The following CTNNA2 variants were observed in gnomAD, a reference collection of about 807,000 sequenced individuals.
The protein encoded by CTNNA2 is catenin alpha 2, also known as catenin alpha-2.
A neutral mutation model predicts 101.0 loss-of-function variants in CTNNA2; 42 were observed. That is an observed-to-expected ratio of 0.42 (90% CI 0.32 to 0.54). CTNNA2 has a LOEUF of 0.54. Ranked by LOEUF, CTNNA2 falls within the 20% of genes least tolerant of loss-of-function variation. The pLI is 0.14. For synonymous variants in CTNNA2, 450 were observed against 456.4 expected, an observed-to-expected ratio of 0.99 and a Z score of 0.18; for missense variants, 871 against 1,223.1, an observed-to-expected ratio of 0.71 and a Z score of 4.29.
chr2:79,985,355 T>C (rs1691685092), intron 7 of CTNNA2, among the ~76,000 whole-genome samples: 1 of 152,180 alleles, frequency 6.6e-6, no homozygotes, highest in South Asian at 2.1e-4. Flanking sequence ...GTAGGTGAAT[T>C]CTGTCACAGC....
chr2:79,269,590 G>A (rs902456267), intron 2 of CTNNA2, among the ~76,000 whole-genome samples: 1 of 152,124 alleles, frequency 6.6e-6, no homozygotes, highest in African/African-American at 2.4e-5. Flanking sequence ...AATCATTGCA[G>A]TTTATCCAGA....
chr2:80,415,639 A>G (rs1203600817), intron 8 of CTNNA2, among the ~76,000 whole-genome samples: 2 of 152,160 alleles, frequency 1.3e-5, no homozygotes, highest in Non-Finnish European at 2.9e-5. Flanking sequence ...ATCATAGAAA[A>G]CAGTATGGAG....
chr2:80,147,589 C>T (rs62140133), intron 7 of CTNNA2, among the ~76,000 whole-genome samples: 1 of 152,128 alleles, frequency 6.6e-6, no homozygotes, highest in Non-Finnish European at 1.5e-5. Flanking sequence ...CTTTTAGGGG[C>T]CTTTGAATCC....
chr2:79,555,500 A>G (rs1392530826), intron 1 of CTNNA2, among the ~76,000 whole-genome samples: 1 of 152,120 alleles, frequency 6.6e-6, no homozygotes, highest in African/African-American at 2.4e-5. Flanking sequence ...CATTTAAGAA[A>G]TTTCCTGTGT....
intron 7 of CTNNA2, among the ~76,000 whole-genome samples, chr2:79,931,925 C>T (rs1687473663): frequency 1.3e-5 from 2 of 152,324 alleles, no homozygotes; most frequent in African/African-American, 4.8e-5. Context: ...GTCTTACTGC[C>T]CCAAATCCCC....
intron 7 of CTNNA2, among the ~76,000 whole-genome samples, chr2:80,061,408 G>A (rs551681544): frequency 1.3e-5 from 2 of 152,160 alleles, no homozygotes; most frequent in Admixed American, 6.5e-5. Flanking sequence ...TTTTGTTTCC[G>A]TTTTCTGTTT....
At chr2:79,808,313 G>C (rs1676736799) in intron 3 of CTNNA2, among the ~76,000 whole-genome samples, 1 of 152,166 alleles carries the variant, frequency 6.6e-6, no homozygotes, top group South Asian at 2.1e-4. Flanking sequence ...GCCTTACACT[G>C]TGTTGCTGTT....
intron 2 of CTNNA2, among the ~76,000 whole-genome samples, chr2:79,244,743 A>G (rs1189128013): frequency 1.3e-5 from 2 of 152,158 alleles, no homozygotes; most frequent in African/African-American, 2.4e-5. Flanking sequence ...TTTTTAATAC[A>G]TATTTGTTGA....
chr2:80,638,908 G>C (rs1673150645), intron 18 of CTNNA2, among the ~76,000 whole-genome samples: 1 of 152,172 alleles, frequency 6.6e-6, no homozygotes, highest in Non-Finnish European at 1.5e-5. Context: ...TTCTTAGCCT[G>C]ACAGCCTGCA....
At chr2:79,195,442 C>A (rs1673946675) in intron 1 of CTNNA2, among the ~76,000 whole-genome samples, 1 of 152,162 alleles carries the variant, frequency 6.6e-6, no homozygotes, top group Non-Finnish European at 1.5e-5. Flanking sequence ...TAAAGCTTGT[C>A]TCTGGTAGTC....
At chr2:79,991,084 G>C (rs1310136894) in intron 7 of CTNNA2, among the ~76,000 whole-genome samples, 1 of 152,198 alleles carries the variant, frequency 6.6e-6, no homozygotes, top group East Asian at 1.9e-4. Context: ...AGTATTCTCT[G>C]ATGGTAGTTT....
Position 79,879,297 on chromosome 2 carries a change from G to A in CTNNA2, c.852+4955G>A, listed in dbSNP as rs144127762. Reference sequence around the variant, plus strand: ...TTGCTTAGGATTGTCTTGGCTATACGGGGTCTTCTTTAATTCCATATGAAA... The same window carrying A: ...TTGCTTAGGATTGTCTTGGCTATACAGGGTCTTCTTTAATTCCATATGAAA... On this transcript the variant is annotated intron_variant, in intron 6 of 18. Coordinates refer to ENST00000402739, the MANE Select transcript of CTNNA2 (RefSeq NM_001282597.3). 3.8e-4 allele frequency among the ~76,000 whole-genome samples: 58 copies of A among 152,084 alleles called. 1 individual carries two copies. In the East Asian group the frequency reaches 0.01, roughly 26 times the overall value.
rs1175050405 is a variant in CTNNA2 at position 79,397,328 on chromosome 2, C to T, written c.-135+23315C>T. On this transcript the variant is annotated intron_variant, in intron 4 of 21. Transcript: ENST00000466387. Reference sequence around the variant, plus strand: ...ACTAGACTATATTTCTTCTATCTAACTGTATTTTGGTACCCCTTAATCACC... The same window carrying T: ...ACTAGACTATATTTCTTCTATCTAATTGTATTTTGGTACCCCTTAATCACC... Among the ~76,000 whole-genome samples the T allele has an allele frequency of 2.6e-5, 4 of 152,084 alleles. No homozygotes were observed. The East Asian group carries it at 7.7e-4, about 29-fold the overall frequency.
At chr2:79,225,481 G>T (rs1295553545) in intron 2 of CTNNA2, among the ~76,000 whole-genome samples, 3 of 152,158 alleles carry the variant, frequency 2.0e-5, no homozygotes, top group African/African-American at 7.2e-5. Flanking sequence ...ATTACTAGGA[G>T]ATGTGTGAAA....
At chr2:80,087,272 G>T (rs1282293302) in intron 7 of CTNNA2, among the ~76,000 whole-genome samples, 1 of 151,960 alleles carries the variant, frequency 6.6e-6, no homozygotes, top group Non-Finnish European at 1.5e-5. Flanking sequence ...GAAAACCTAA[G>T]TGATATAGGA....
chr2:79,268,377 G>A (rs913578475), intron 2 of CTNNA2, among the ~76,000 whole-genome samples: 2 of 152,104 alleles, frequency 1.3e-5, no homozygotes, highest in Admixed American at 6.6e-5. Context: ...CATGGAGAAG[G>A]CATGGAAGCT....
At chr2:80,109,625 C>A (rs1338832655) in intron 7 of CTNNA2, among the ~76,000 whole-genome samples, 8 of 152,182 alleles carry the variant, frequency 5.3e-5, no homozygotes, top group Non-Finnish European at 1.2e-4. Flanking sequence ...CCGAGTACAG[C>A]ATAATGTTCT....
At chr2:79,644,871 A>G (rs1450137928) in intron 1 of CTNNA2, among the ~76,000 whole-genome samples, 1 of 152,090 alleles carries the variant, frequency 6.6e-6, no homozygotes, top group Non-Finnish European at 1.5e-5. Flanking sequence ...CATGATTCAG[A>G]AGCTCCAGGG....
intron 7 of CTNNA2, among the ~76,000 whole-genome samples, chr2:80,093,779 G>A (rs1433181844): frequency 6.6e-6 from 1 of 152,134 alleles, no homozygotes; most frequent in Non-Finnish European, 1.5e-5. Context: ...TTTTTCATGT[G>A]TTTTTTGGCT....
Sources: gnomAD v4.1 joint callset for allele counts (sites outside exome capture counted in the v4.1 genomes callset) on GRCh38, gnomAD v4.1.1 for gene constraint, MANE v1.5 for transcripts, NCBI Gene and HGNC (gene_info 2026-07-23, HGNC 2026-07-21) for gene names.